SDCCAG8: variants seen among roughly 807,000 people sequenced by gnomAD.
The protein encoded by SDCCAG8 is SHH signaling and ciliogenesis regulator SDCCAG8, also known as serologically defined colon cancer antigen 8.
Under a neutral mutation model 101.8 loss-of-function variants are expected in SDCCAG8, and 74 were observed. The observed-to-expected ratio is 0.73, with a 90% CI of 0.60 to 0.88. SDCCAG8 has a LOEUF of 0.88. Among genes scored for constraint, SDCCAG8 ranks in the 40% least tolerant of loss-of-function variants. The pLI is 0.00. For missense variants in SDCCAG8, 787 were observed against 822.6 expected, an observed-to-expected ratio of 0.96 and a Z score of 0.53; for synonymous variants, 281 against 292.9, an observed-to-expected ratio of 0.96 and a Z score of 0.41.
chr1:243,477,543 G>C (rs2148213638), intron 16 of SDCCAG8, among the ~76,000 whole-genome samples: 1 of 152,346 alleles, frequency 6.6e-6, no homozygotes, highest in South Asian at 2.1e-4. Context: ...GATAGCACTT[G>C]TATTTTAAGA....
At chr1:243,428,285 G>A (rs2081477557) in intron 16 of SDCCAG8, among the ~76,000 whole-genome samples, 1 of 152,184 alleles carries the variant, frequency 6.6e-6, no homozygotes, top group African/African-American at 2.4e-5. Context: ...TTGATTGATT[G>A]ATTGATTGAT....
chr1:243,334,312 C>T (rs1253593490), intron 10 of SDCCAG8, among the ~76,000 whole-genome samples: 1 of 152,196 alleles, frequency 6.6e-6, no homozygotes, highest in Non-Finnish European at 1.5e-5. Flanking sequence ...TTTAAAACTC[C>T]TTTCACGTCT....
At chr1:243,496,949 G>T (rs974100170) in intron 17 of SDCCAG8, among the ~76,000 whole-genome samples, 1 of 152,212 alleles carries the variant, frequency 6.6e-6, no homozygotes. Flanking sequence ...TGGCCAGGGC[G>T]CCCTGTCGCC....
At chr1:243,480,701 A>T (rs1464424835) in intron 16 of SDCCAG8, among the ~76,000 whole-genome samples, 5 of 46,474 alleles carry the variant, frequency 1.1e-4, no homozygotes, top group South Asian at 1.7e-3. Flanking sequence ...GATGGGTGGG[A>T]TGGATGGATG....
chr1:243,400,613 G>T (rs924108854), intron 13 of SDCCAG8, among the ~76,000 whole-genome samples: 1 of 152,110 alleles, frequency 6.6e-6, no homozygotes, highest in Non-Finnish European at 1.5e-5. Flanking sequence ...CACGTTCCAA[G>T]TTCTTCCATA....
intron 17 of SDCCAG8, among the ~76,000 whole-genome samples, chr1:243,499,063 T>G (rs1159609328): frequency 2.6e-5 from 4 of 152,190 alleles, no homozygotes; most frequent in African/African-American, 9.6e-5. Flanking sequence ...TAGTTCCTGA[T>G]GTGGTTTAAA....
chr1:243,419,507 A>G (rs1490380891), intron 15 of SDCCAG8, among the ~76,000 whole-genome samples: 1 of 152,194 alleles, frequency 6.6e-6, no homozygotes, highest in Admixed American at 6.5e-5. Context: ...ATGATTAGTG[A>G]TCTTGCTCTC....
intron 16 of SDCCAG8, among the ~76,000 whole-genome samples, chr1:243,443,223 G>T (rs1190189096): frequency 6.6e-6 from 1 of 152,164 alleles, no homozygotes; most frequent in Admixed American, 6.6e-5. Context: ...AAAGGGAAAG[G>T]TTTGAGATAG....
intron 17 of SDCCAG8, among the ~76,000 whole-genome samples, chr1:243,494,160 A>G (rs1667244293): frequency 6.6e-6 from 1 of 152,218 alleles, no homozygotes. Context: ...CTGAACCAAG[A>G]TTTTTTGGAA....
intron 16 of SDCCAG8, among the ~76,000 whole-genome samples, chr1:243,444,778 G>C (rs2082785112): frequency 6.6e-6 from 1 of 152,162 alleles, no homozygotes; most frequent in Non-Finnish European, 1.5e-5. Flanking sequence ...AGTTAATACT[G>C]AATATTATTT....
intron 13 of SDCCAG8, 23 bp downstream of exon 13, chr1:243,378,886 G>A (rs200794843): frequency 6.8e-5 from 110 of 1,613,850 alleles, no homozygotes; most frequent in Non-Finnish European, 8.6e-5. Context: ...CCCATTATGC[G>A]CCATAGCACC....
At chr1:243,455,639 T>A (rs977188174) in intron 16 of SDCCAG8, among the ~76,000 whole-genome samples, 5 of 149,092 alleles carry the variant, frequency 3.4e-5, no homozygotes, top group African/African-American at 1.2e-4. Context: ...ATAAATGACC[T>A]AATTCAAAAT....
intron 8 of SDCCAG8, among the ~76,000 whole-genome samples, chr1:243,315,173 G>A (rs78747516): frequency 0.033 from 5,016 of 152,260 alleles, 264 homozygotes; most frequent in African/African-American, 0.11. Flanking sequence ...TCCTTAAAGA[G>A]TGAATTTTTC....
At chr1:243,475,623 G>C (rs911751304) in intron 16 of SDCCAG8, among the ~76,000 whole-genome samples, 2 of 152,136 alleles carry the variant, frequency 1.3e-5, no homozygotes, top group Non-Finnish European at 2.9e-5. Context: ...CCCTGCTTTC[G>C]CGAGGACCCA....
intron 12 of SDCCAG8, among the ~76,000 whole-genome samples, chr1:243,357,567 T>A (rs77406868): frequency 0.036 from 5,531 of 152,246 alleles, 131 homozygotes; most frequent in Non-Finnish European, 0.051. Context: ...AGACTGTGAG[T>A]CAGCTGGGAG....
intron 8 of SDCCAG8, among the ~76,000 whole-genome samples, chr1:243,310,274 T>C (rs1048605908): frequency 2.0e-5 from 3 of 152,180 alleles, no homozygotes; most frequent in African/African-American, 7.2e-5. Flanking sequence ...ATTAAACATG[T>C]ATTAACTATT....
chr1:243,477,033 C>CACAGAGAG (rs942231630), intron 16 of SDCCAG8, among the ~76,000 whole-genome samples: 73 of 150,414 alleles, frequency 4.9e-4, no homozygotes, highest in African/African-American at 1.6e-3. Context: ...CACACACACA[C>CACAGAGAG]AGAGAGAAAG....
intron 9 of SDCCAG8, among the ~76,000 whole-genome samples, chr1:243,326,971 A>G (rs558985840): frequency 3.1e-4 from 47 of 152,350 alleles, no homozygotes; most frequent in Admixed American, 2.5e-3. Flanking sequence ...GTGTTTGAAA[A>G]AAAGTGTTAA....
At chr1:243,437,757 C>T (rs1314405583) in intron 16 of SDCCAG8, among the ~76,000 whole-genome samples, 1 of 152,156 alleles carries the variant, frequency 6.6e-6, no homozygotes, top group East Asian at 1.9e-4. Flanking sequence ...CCAGGATGGT[C>T]TCGATCTCCT....
Sources: gnomAD v4.1 joint callset for allele counts (sites outside exome capture counted in the v4.1 genomes callset) on GRCh38, gnomAD v4.1.1 for gene constraint, MANE v1.5 for transcripts, NCBI Gene and HGNC (gene_info 2026-07-23, HGNC 2026-07-21) for gene names.